OCIAD1: variants seen among roughly 807,000 people sequenced by gnomAD.
OCIAD1 encodes OCIA domain containing 1, also known as OCIA domain-containing protein 1.
In OCIAD1, 29 loss-of-function variants were observed where a neutral mutation model predicts 38.9. The ratio of observed to expected loss-of-function variants is 0.74; its 90% CI spans 0.55 to 1.02. The LOEUF is 1.02. OCIAD1 is among the 50% of genes least tolerant of loss of function. The probability of loss-of-function intolerance (pLI) is 0.00; values close to 1 mark genes in which losing one functional copy is unlikely to be tolerated. For missense variants in OCIAD1, 288 were observed against 289.6 expected (o/e 0.99, Z 0.04); for synonymous variants, 110 against 92.0 (o/e 1.20, Z -1.12).
intron 5 of OCIAD1, among the ~76,000 whole-genome samples, chr4:48,849,403 A>G (rs999409290): frequency 6.6e-5 from 10 of 152,128 alleles, no homozygotes; most frequent in Non-Finnish European, 1.2e-4. Context: ...TTTCTTTTCT[A>G]TTTGAAACTC....
chr4:48,855,885 G>C (rs1779993077), intron 7 of OCIAD1: 2 of 151,704 alleles, frequency 1.3e-5, no homozygotes, highest in African/African-American at 4.8e-5. Context: ...AGAAAATTCT[G>C]ATTATTCACT....
At position 48,848,462 on chromosome 4, in the gene OCIAD1, A is replaced by C. The variant is rs1322940503; in HGVS notation, c.241+16A>C. On this transcript the variant is annotated intron_variant, in intron 5 of 8. Coordinates refer to ENST00000264312, the MANE Select transcript of OCIAD1 (RefSeq NM_017830.4). The stretch of plus-strand genomic sequence containing the variant: ...AAACTTATACGTAAGTATGAACAAC[A>C]TTGTAGTTTTCATAGCTTTTTAAAA... The C allele has an allele frequency of 1.1e-5, 14 of 1,327,146 alleles. No homozygotes were observed. The highest frequency in any genetic ancestry group is 1.4e-5 in the Non-Finnish European group (13 of 944,376). The allele number at this position is 1,327,146 out of a possible 1,614,324, so 82.2% of individuals were successfully genotyped here.
intron 4 of OCIAD1, among the ~76,000 whole-genome samples, chr4:48,844,676 T>A (rs1334859084): frequency 6.6e-6 from 1 of 152,072 alleles, no homozygotes; most frequent in Non-Finnish European, 1.5e-5. Flanking sequence ...ACCAAGACAT[T>A]TTGCATTTAA....
intron 1 of OCIAD1, among the ~76,000 whole-genome samples, chr4:48,810,361 C>T (rs375114773): frequency 8.2e-5 from 12 of 147,188 alleles, no homozygotes; most frequent in East Asian, 4.1e-4. Context: ...CCCAGCTACT[C>T]GGGAGGCCGA....
Position 48,807,007 on chromosome 4 carries a change from G to A in OCIAD1, c.-103+1677G>A, listed in dbSNP as rs561104024. On this transcript the variant is annotated intron_variant, in intron 1 of 6. Coordinates refer to the OCIAD1 transcript ENST00000504654. ...CAGCCTCAAACTCCTGGGCTCAAGC[G>A]ATTCTCCTGCCTCAGCCTCTGGGGT... Among the ~76,000 whole-genome samples, 25 of 152,274 alleles carry A rather than the reference G, an allele frequency of 1.6e-4. 1 individual carries two copies. Among genetic ancestry groups the A allele is most frequent in the African/African-American group, 6.0e-4 (25 of 41,548 alleles).
chr4:48,823,687 A>C (rs186013601), intron 1 of OCIAD1, among the ~76,000 whole-genome samples: 2 of 151,828 alleles, frequency 1.3e-5, no homozygotes, highest in East Asian at 3.9e-4. Flanking sequence ...TTTTTAGAGA[A>C]GGTCTTGTTC....
rs551226472 is a variant in OCIAD1 at position 48,837,666 on chromosome 4, T to C, written c.139+4185T>C. ...TCTTTTTTTTTTTTTTTTTTTTAAATCTTTGAAGATTATATAGAGTAGATA... is the reference window on the plus strand; with the variant it reads ...TCTTTTTTTTTTTTTTTTTTTTAAACCTTTGAAGATTATATAGAGTAGATA... On this transcript the variant is annotated intron_variant, in intron 3 of 8. Transcript: ENST00000264312. 6.0e-5 allele frequency among the ~76,000 whole-genome samples: 9 copies of C among 150,220 alleles called. No homozygotes were observed. In the South Asian group the frequency reaches 1.9e-3, roughly 32 times the overall value.
intron 6 of OCIAD1, among the ~76,000 whole-genome samples, 196 bp downstream of exon 6, chr4:48,850,278 T>C (rs1779319409): frequency 6.6e-6 from 1 of 152,164 alleles, no homozygotes; most frequent in Admixed American, 6.5e-5. Context: ...AATGAATGAA[T>C]GATGGGATCT....
intron 1 of OCIAD1, among the ~76,000 whole-genome samples, chr4:48,815,986 A>G (rs1448249091): frequency 3.3e-5 from 5 of 152,066 alleles, no homozygotes; most frequent in African/African-American, 1.2e-4. Context: ...TTTCATCCCT[A>G]CTTAGCTTCA....
chr4:48,824,213 T>C (rs1777226010), intron 1 of OCIAD1, among the ~76,000 whole-genome samples: 1 of 151,942 alleles, frequency 6.6e-6, no homozygotes, highest in South Asian at 2.1e-4. Flanking sequence ...ACTCCTAAGC[T>C]CAAAGCAATC....
intron 1 of OCIAD1, among the ~76,000 whole-genome samples, chr4:48,824,274 G>A (rs1383251269): frequency 6.6e-6 from 1 of 151,848 alleles, no homozygotes; most frequent in African/African-American, 2.4e-5. Context: ...GAGCCACTGC[G>A]CCCAGCCTGA....
chr4:48,861,780 G>T lies in OCIAD1; in HGVS notation c.*1018G>T, dbSNP rs1410110312. On this transcript the variant is annotated 3_prime_UTR_variant, in exon 9 of 9. Coordinates refer to ENST00000264312, the MANE Select transcript of OCIAD1 (RefSeq NM_017830.4). ...CTTAAAAAGCATTTTTAAAGAATTTGTAAATTCTAAAACAATAAAAATTTG... is the reference window on the plus strand; with the variant it reads ...CTTAAAAAGCATTTTTAAAGAATTTTTAAATTCTAAAACAATAAAAATTTG... 1.3e-5 allele frequency: 2 copies of T among 152,164 alleles called. No individual in the cohort carries two copies. The highest frequency in any genetic ancestry group is 6.5e-5 in the Admixed American group (1 of 15,274). 9.4% of individuals were successfully genotyped at this position (152,164 alleles called of 1,614,324 possible).
Position 48,842,688 on chromosome 4 carries a change from A to T in OCIAD1, c.192A>T (p.Lys64Asn). Residue 64 changes from lysine (K) to asparagine (N), a missense_variant and splice_region_variant, in exon 4 of 9, where the codon AAA becomes AAT. Transcript: ENST00000264312. ...SMLITQGLIS[K>N]GILSSHPKYG... The stretch of plus-strand genomic sequence containing the variant: ...TGATTACTCAAGGATTAATTAGTAA[A>T]GGTAAATATTTAAAATTTGAATTTA... 2.0e-6 allele frequency: 3 copies of T among 1,506,800 alleles called. No individual in the cohort carries two copies. Among genetic ancestry groups the T allele is most frequent in the Non-Finnish European group, 2.7e-6 (3 of 1,105,160 alleles). The allele number at this position is 1,506,800 out of a possible 1,614,324, so 93.3% of individuals were successfully genotyped here. A position where few individuals can be genotyped will look rare whatever the true frequency, so the allele number is the denominator to read the frequency against.
intron 6 of OCIAD1, 54 bp from the exon 7 acceptor site, chr4:48,851,752 T>C: frequency 1.0e-6 from 1 of 986,136 alleles, no homozygotes; most frequent in Non-Finnish European, 1.5e-6. Context: ...AACACTTCTT[T>C]AAGATATAGG....
chr4:48,852,875 G>GTTTTTTTT (rs770694566), intron 7 of OCIAD1, among the ~76,000 whole-genome samples: 1 of 69,128 alleles, frequency 1.4e-5, no homozygotes, highest in African/African-American at 7.0e-5. Context: ...GTTTTTTTTT[G>GTTTTTTTT]TTTTTTGTTT....
intron 4 of OCIAD1, among the ~76,000 whole-genome samples, chr4:48,847,780 A>ATG (rs1373944901): frequency 2.0e-5 from 3 of 152,150 alleles, no homozygotes; most frequent in African/African-American, 7.2e-5. Context: ...CAGCTTTATC[A>ATG]TGTAGATTTT....
chr4:48,850,417 A>G (rs572796221), intron 6 of OCIAD1, among the ~76,000 whole-genome samples: 11 of 152,146 alleles, frequency 7.2e-5, no homozygotes, highest in Admixed American at 6.5e-5. Flanking sequence ...CAGCCACTGC[A>G]CCCAGCTAAT....
At chr4:48,822,213 C>T (rs189615803) in intron 1 of OCIAD1, among the ~76,000 whole-genome samples, 76 of 152,314 alleles carry the variant, frequency 5.0e-4, no homozygotes, top group Admixed American at 2.1e-3. Context: ...ACAAACGGAA[C>T]AGAACAGAGA....
chr4:48,825,087 A>C (rs1777235804), intron 1 of OCIAD1, among the ~76,000 whole-genome samples: 1 of 152,208 alleles, frequency 6.6e-6, no homozygotes, highest in South Asian at 2.1e-4. Context: ...TGTAATTTGC[A>C]TTATGAGAGC....
Sources: allele counts gnomAD v4.1 joint callset (sites outside exome capture counted in the v4.1 genomes callset), GRCh38; gene constraint gnomAD v4.1.1; transcripts MANE v1.5; gene names NCBI Gene and HGNC (gene_info 2026-07-23, HGNC 2026-07-21).